Variants in SLC9A9 observed in about 807,000 individuals in gnomAD.
SLC9A9 encodes sodium/hydrogen exchanger 9.
Under a neutral mutation model 77.8 loss-of-function variants are expected in SLC9A9, and 62 were observed. The ratio of observed to expected loss-of-function variants is 0.80; its 90% CI spans 0.65 to 0.98. The LOEUF (loss-of-function observed/expected upper bound fraction) is 0.98. Among genes scored for constraint, SLC9A9 ranks in the 50% least tolerant of loss-of-function variants. The probability of loss-of-function intolerance (pLI) is 0.00; values close to 1 mark genes in which losing one functional copy is unlikely to be tolerated. For synonymous variants in SLC9A9, 320 were observed against 283.5 expected (o/e 1.13, Z -1.29); for missense variants, 775 against 774.9 (o/e 1.00, Z 0.00).
intron 2 of SLC9A9, among the ~76,000 whole-genome samples, chr3:143,799,785 C>T (rs886085205): frequency 2.0e-5 from 3 of 152,208 alleles, no homozygotes; most frequent in South Asian, 4.1e-4. Context: ...ACCTCGGAAG[C>T]CCCCTAGACC....
rs368806081 is a variant in SLC9A9 at position 143,724,808 on chromosome 3, G to C, written c.534-31501C>G. 2.0e-5 allele frequency among the ~76,000 whole-genome samples: 3 copies of C among 152,114 alleles called. No individual in the cohort carries two copies. The East Asian group carries it at 5.8e-4, about 29-fold the overall frequency. Reference sequence around the variant, plus strand: ...CATTTTACCTACCACAGAGTATTTAGAGACTTCCTCATGAATGACATTCCT... The same window carrying C: ...CATTTTACCTACCACAGAGTATTTACAGACTTCCTCATGAATGACATTCCT... On this transcript the variant is annotated intron_variant, in intron 4 of 15. Coordinates refer to ENST00000316549, the MANE Select transcript of SLC9A9 (RefSeq NM_173653.4).
chr3:143,449,844 T>TATATAA (rs1559921726), intron 12 of SLC9A9, among the ~76,000 whole-genome samples: 16 of 26,830 alleles, frequency 6.0e-4, no homozygotes, highest in African/African-American at 4.4e-3. Context: ...ATATGTATTA[T>TATATAA]ATATATATAA....
intron 14 of SLC9A9, among the ~76,000 whole-genome samples, chr3:143,360,337 T>G (rs1386696819): frequency 6.6e-6 from 1 of 152,226 alleles, no homozygotes; most frequent in Non-Finnish European, 1.5e-5. Context: ...ATTTCTCAAT[T>G]TCTTCTTTGT....
chr3:143,821,725 C>T (rs560862502), intron 2 of SLC9A9, among the ~76,000 whole-genome samples: 1 of 152,300 alleles, frequency 6.6e-6, no homozygotes, highest in South Asian at 2.1e-4. Flanking sequence ...TATTATGGCC[C>T]ATTTCAAGTT....
chr3:143,471,559 T>C (rs2035378538), intron 11 of SLC9A9, among the ~76,000 whole-genome samples: 1 of 152,184 alleles, frequency 6.6e-6, no homozygotes, highest in South Asian at 2.1e-4. Flanking sequence ...ACACACACCA[T>C]TTCTCTTAAA....
At chr3:143,559,723 T>C (rs909782048) in intron 8 of SLC9A9, among the ~76,000 whole-genome samples, 4 of 152,220 alleles carry the variant, frequency 2.6e-5, no homozygotes, top group African/African-American at 7.2e-5. Flanking sequence ...TTTAAAAATA[T>C]ATTGTTACCA....
intron 9 of SLC9A9, among the ~76,000 whole-genome samples, chr3:143,526,820 C>A (rs2108617834): frequency 6.6e-6 from 1 of 152,218 alleles, no homozygotes; most frequent in South Asian, 2.1e-4. Flanking sequence ...TTGTGAGGAT[C>A]CTGAAGTTAG....
intron 6 of SLC9A9, among the ~76,000 whole-genome samples, chr3:143,588,672 C>T (rs559030300): frequency 3.0e-4 from 45 of 152,284 alleles, no homozygotes; most frequent in African/African-American, 1.0e-3. Flanking sequence ...AGTCTGTGGG[C>T]TTTGAGAAAT....
intron 4 of SLC9A9, among the ~76,000 whole-genome samples, chr3:143,695,574 C>T (rs1023950611): frequency 2.0e-5 from 3 of 152,136 alleles, no homozygotes; most frequent in African/African-American, 7.2e-5. Context: ...TTTCTTTATC[C>T]AGTCTATCAT....
At chr3:143,272,661 G>A (rs1415447652) in intron 14 of SLC9A9, among the ~76,000 whole-genome samples, 1 of 152,110 alleles carries the variant, frequency 6.6e-6, no homozygotes, top group Non-Finnish European at 1.5e-5. Context: ...TAAAAGGTAA[G>A]AAAACTCTTC....
At chr3:143,382,429 C>T (rs1315059359) in intron 12 of SLC9A9, among the ~76,000 whole-genome samples, 2 of 152,108 alleles carry the variant, frequency 1.3e-5, no homozygotes, top group East Asian at 3.9e-4. Flanking sequence ...CCCAAAAACA[C>T]ACATTCTGGA....
At chr3:143,391,632 T>C (rs570305931) in intron 12 of SLC9A9, among the ~76,000 whole-genome samples, 3 of 152,296 alleles carry the variant, frequency 2.0e-5, no homozygotes, top group African/African-American at 7.2e-5. Flanking sequence ...AGAAGAAGGC[T>C]TCAAACGATC....
chr3:143,841,494 A>G (rs972353185), intron 1 of SLC9A9, among the ~76,000 whole-genome samples: 1 of 152,236 alleles, frequency 6.6e-6, no homozygotes, highest in African/African-American at 2.4e-5. Flanking sequence ...TAGATGTTTA[A>G]CAAACATCAG....
At chr3:143,331,438 T>A (rs1418501473) in intron 14 of SLC9A9, among the ~76,000 whole-genome samples, 1 of 152,234 alleles carries the variant, frequency 6.6e-6, no homozygotes, top group Non-Finnish European at 1.5e-5. Flanking sequence ...AGTGCTAGCA[T>A]TCAATTATTT....
chr3:143,363,776 C>T (rs1286880487), intron 13 of SLC9A9, among the ~76,000 whole-genome samples: 1 of 152,152 alleles, frequency 6.6e-6, no homozygotes, highest in Non-Finnish European at 1.5e-5. Context: ...TCAACATTTA[C>T]TTTTCTTAAT....
rs1369204510 is a variant in SLC9A9, at chr3:143,794,209, A to G, written c.533+792T>C. On this transcript the variant is annotated intron_variant, in intron 4 of 15. Coordinates refer to ENST00000316549, the MANE Select transcript of SLC9A9 (RefSeq NM_173653.4). The stretch of plus-strand genomic sequence containing the variant: ...GGCATGAACCGTGTGTATTTTTAGC[A>G]TCAGTTTCTTGTGCTGGGTTATAAC... Among the ~76,000 whole-genome samples the G allele has an allele frequency of 2.0e-5, 3 of 152,216 alleles. No homozygotes were observed. The East Asian group carries it at 5.8e-4, about 29-fold the overall frequency.
At chr3:143,454,016 G>T (rs1266930341) in intron 12 of SLC9A9, among the ~76,000 whole-genome samples, 1 of 152,136 alleles carries the variant, frequency 6.6e-6, no homozygotes, top group Non-Finnish European at 1.5e-5. Context: ...GCAGCATAAA[G>T]GTGCCATCCT....
intron 11 of SLC9A9, among the ~76,000 whole-genome samples, chr3:143,485,318 GT>G (rs1259745878): frequency 6.6e-6 from 1 of 152,182 alleles, no homozygotes; most frequent in Non-Finnish European, 1.5e-5. Context: ...TGAAGTGATT[GT>G]CAGGAGATTT....
At chr3:143,400,382 G>A (rs1377987927) in intron 12 of SLC9A9, among the ~76,000 whole-genome samples, 16 of 152,122 alleles carry the variant, frequency 1.1e-4, no homozygotes, top group Admixed American at 9.2e-4. Context: ...AATGGCATCC[G>A]CAGGAACCTG....
Sources: gnomAD v4.1 joint callset for allele counts (sites outside exome capture counted in the v4.1 genomes callset) on GRCh38, gnomAD v4.1.1 for gene constraint, MANE v1.5 for transcripts, NCBI Gene and HGNC (gene_info 2026-07-23, HGNC 2026-07-21) for gene names.